The following TPO variants were observed in gnomAD, a reference collection of about 807,000 sequenced individuals.
TPO encodes thyroid microsomal antigen.
In TPO, 78 loss-of-function variants were observed where a neutral mutation model predicts 96.9. That is an observed-to-expected ratio of 0.81 (90% CI 0.67 to 0.97). The LOEUF is 0.97. Among genes scored for constraint, TPO ranks in the 50% least tolerant of loss-of-function variants. TPO has a pLI of 0.00. For synonymous variants in TPO, 547 were observed against 538.0 expected (o/e 1.02, Z -0.23); for missense variants, 1,252 against 1,274.8 (o/e 0.98, Z 0.27).
chr2:1,494,341 C>T (rs1474298418), intron 11 of TPO, among the ~76,000 whole-genome samples: 2 of 152,252 alleles, frequency 1.3e-5, no homozygotes, highest in East Asian at 1.9e-4. Context: ...ATCGTGACAG[C>T]CCGGAGACTG....
rs570011939 is a variant in TPO, at chr2:1,477,289, G to A, written c.1023G>A (p.Arg341=). 198 of 1,593,986 alleles carry A rather than the reference G, an allele frequency of 1.2e-4. 2 individuals are homozygous for A. In the South Asian group the frequency reaches 2.1e-3, roughly 17 times the overall value. The change falls in exon 8 of 17, where the codon CGG becomes CGA. Residue 341 remains arginine, a synonymous_variant. Transcript: ENST00000329066. ...GSSPALERQL[R]NWTSAEGLLR... Reference sequence around the variant, plus strand: ...CCCCGGCCCTAGAGAGGCAGCTGCGGAACTGGACCAGTGCCGAAGGGCTGC... The same window carrying A: ...CCCCGGCCCTAGAGAGGCAGCTGCGAAACTGGACCAGTGCCGAAGGGCTGC...
chr2:1,457,170 C>A, intron 7 of TPO, among the ~76,000 whole-genome samples: 1 of 85,668 alleles, frequency 1.2e-5, no homozygotes, highest in Non-Finnish European at 2.2e-5. Flanking sequence ...GTGTACATAG[C>A]ATGTATGATA....
chr2:1,421,310 TTC>T (rs1354660670), intron 2 of TPO, among the ~76,000 whole-genome samples: 1 of 152,116 alleles, frequency 6.6e-6, no homozygotes, highest in Non-Finnish European at 1.5e-5. Context: ...CCGTGCAAAC[TTC>T]TCTCTTCAGA....
intron 15 of TPO, among the ~76,000 whole-genome samples, chr2:1,524,631 TC>T (rs1676007241): frequency 1.6e-5 from 1 of 62,692 alleles, no homozygotes; most frequent in Non-Finnish European, 3.0e-5. Flanking sequence ...CCTCCTCAAA[TC>T]CCCCTACTGC....
At chr2:1,488,098 T>G in intron 10 of TPO, 107 bp downstream of exon 10, 1 of 1,524,064 alleles carries the variant, frequency 6.6e-7, no homozygotes. Context: ...ATCACAAATC[T>G]GAGGCCTTCT....
At chr2:1,383,516 A>G (rs1456738464) in intron 1 of TPO, among the ~76,000 whole-genome samples, 1 of 152,146 alleles carries the variant, frequency 6.6e-6, no homozygotes, top group Non-Finnish European at 1.5e-5. Flanking sequence ...TGGCTGCATA[A>G]ATGTCTTCTT....
intron 15 of TPO, among the ~76,000 whole-genome samples, chr2:1,520,974 C>T (rs576888470): frequency 9.8e-5 from 15 of 152,288 alleles, no homozygotes; most frequent in African/African-American, 2.2e-4. Flanking sequence ...TTTCTCCATT[C>T]GCTCTTGTTT....
chr2:1,471,632 ACT>A (rs1446247051), intron 7 of TPO, among the ~76,000 whole-genome samples: 1 of 151,500 alleles, frequency 6.6e-6, no homozygotes, highest in East Asian at 2.0e-4. Flanking sequence ...CATTTGCTAG[ACT>A]CTCCTCCTGC....
Position 1,473,908 on chromosome 2 carries a change from T to C in TPO, c.820-3178T>C, listed in dbSNP as rs528454285. Reference sequence around the variant, plus strand: ...AAGAAATGTTATCAATTTTTTAGAATTTTTAGATGTTGTAGACATCTAACA... The same window carrying C: ...AAGAAATGTTATCAATTTTTTAGAACTTTTAGATGTTGTAGACATCTAACA... On this transcript the variant is annotated intron_variant, in intron 7 of 16. Coordinates refer to ENST00000329066, the MANE Select transcript of TPO (RefSeq NM_001206744.2). 6.6e-5 allele frequency among the ~76,000 whole-genome samples: 10 copies of C among 152,284 alleles called. No homozygotes were observed. In the East Asian group the frequency reaches 1.4e-3, roughly 21 times the overall value.
At chr2:1,519,033 C>CA in intron 15 of TPO, among the ~76,000 whole-genome samples, 1 of 152,238 alleles carries the variant, frequency 6.6e-6, no homozygotes, top group African/African-American at 2.4e-5. Flanking sequence ...GCCATCTTGA[C>CA]GGGAAGGCAG....
At chr2:1,479,837 A>G (rs1670372214) in intron 8 of TPO, among the ~76,000 whole-genome samples, 2 of 151,438 alleles carry the variant, frequency 1.3e-5, no homozygotes, top group Admixed American at 1.3e-4. Flanking sequence ...GCTGGAGTAT[A>G]GTGGTGAGAC....
At chr2:1,455,021 C>A (rs2148587454) in intron 6 of TPO, among the ~76,000 whole-genome samples, 1 of 152,296 alleles carries the variant, frequency 6.6e-6, no homozygotes, top group Non-Finnish European at 1.5e-5. Flanking sequence ...AGGGGAGATC[C>A]CTTTCCTGGC....
intron 6 of TPO, among the ~76,000 whole-genome samples, chr2:1,454,505 G>A (rs188272711): frequency 3.3e-5 from 5 of 152,220 alleles, no homozygotes; most frequent in Admixed American, 6.5e-5. Context: ...TTTCCTAGGC[G>A]GGCTTTTAGT....
rs143060879 is a variant in TPO at position 1,428,022 on chromosome 2, C to T, written c.179+4893C>T. ...CAAACCGAGAGCGATCCAGAGAATTCGTGGGAACATACATTTGATGCATGG... is the reference window on the plus strand; with the variant it reads ...CAAACCGAGAGCGATCCAGAGAATTTGTGGGAACATACATTTGATGCATGG... On this transcript the variant is annotated intron_variant, in intron 3 of 16. Transcript: ENST00000329066. Among the ~76,000 whole-genome samples the T allele has an allele frequency of 9.5e-4, 144 of 152,268 alleles. 2 individuals are homozygous for T. Among genetic ancestry groups the T allele is most frequent in the African/African-American group, 3.2e-3 (133 of 41,554 alleles).
At position 1,534,877 on chromosome 2, in the gene TPO, A is replaced by G. The variant is rs139720978; in HGVS notation, c.2619-5717A>G. Among the ~76,000 whole-genome samples the G allele has an allele frequency of 1.5e-3, 176 of 121,178 alleles. 14 individuals carry two copies. Among genetic ancestry groups the G allele is most frequent in the African/African-American group, 5.1e-3 (157 of 30,518 alleles). 79.5% of individuals were successfully genotyped at this position (121,178 alleles called of 152,430 possible). A position where few individuals can be genotyped will look rare whatever the true frequency, so the allele number is the denominator to read the frequency against. On this transcript the variant is annotated intron_variant, in intron 15 of 16. Coordinates refer to ENST00000329066, the MANE Select transcript of TPO (RefSeq NM_001206744.2). ...CCCCCAAATCCCACCACTGTGCACAACCTCCTCTAATCTGTTCACTGTGTG... is the reference window on the plus strand; with the variant it reads ...CCCCCAAATCCCACCACTGTGCACAGCCTCCTCTAATCTGTTCACTGTGTG...
chr2:1,506,647 T>C (rs1372562610), intron 14 of TPO, among the ~76,000 whole-genome samples: 1 of 152,228 alleles, frequency 6.6e-6, no homozygotes, highest in African/African-American at 2.4e-5. Context: ...ATGGTGAGCA[T>C]TTTTTCATGT....
chr2:1,410,928 C>T (rs1662323385), upstream of TPO, among the ~76,000 whole-genome samples: 2 of 152,190 alleles, frequency 1.3e-5, no homozygotes, highest in African/African-American at 4.8e-5. Context: ...CTCTCCATTG[C>T]TGGGTGGCCA....
At chr2:1,508,186 T>G (rs1358383166) in intron 14 of TPO, among the ~76,000 whole-genome samples, 1 of 152,150 alleles carries the variant, frequency 6.6e-6, no homozygotes, top group Non-Finnish European at 1.5e-5. Flanking sequence ...CTGGATTACA[T>G]TTATCGATTT....
rs193066723 is a variant in TPO at position 1,504,190 on chromosome 2, G to A, written c.2518+111G>A. On this transcript the variant is annotated intron_variant, in intron 14 of 16. Coordinates refer to ENST00000329066, the MANE Select transcript of TPO (RefSeq NM_001206744.2). Reference sequence around the variant, plus strand: ...AATCACCATCTTGATTGGGAAGGGCGGAGATGAATAAGACACCAAGCCCAC... The same window carrying A: ...AATCACCATCTTGATTGGGAAGGGCAGAGATGAATAAGACACCAAGCCCAC... The A allele has an allele frequency of 2.3e-4, 357 of 1,580,018 alleles. 3 individuals carry two copies. Among genetic ancestry groups the A allele is most frequent in the Admixed American group, 9.4e-4 (55 of 58,310 alleles).
Sources: allele counts gnomAD v4.1 joint callset (sites outside exome capture counted in the v4.1 genomes callset), GRCh38; gene constraint gnomAD v4.1.1; transcripts MANE v1.5; gene names NCBI Gene and HGNC (gene_info 2026-07-23, HGNC 2026-07-21).